The following HERC5 variants were observed in gnomAD, a reference collection of about 807,000 sequenced individuals.
The protein encoded by HERC5 is HECT and RLD domain containing E3 ubiquitin protein ligase 5, also known as E3 ISG15--protein ligase HERC5.
In HERC5, 99 loss-of-function variants were observed where a neutral mutation model predicts 119.6. That is an observed-to-expected ratio of 0.83 (90% CI 0.70 to 0.98). The LOEUF (loss-of-function observed/expected upper bound fraction) is 0.98, where lower values mean the gene tolerates loss of function less well. Among genes scored for constraint, HERC5 ranks in the 50% least tolerant of loss-of-function variants. The probability of loss-of-function intolerance (pLI) is 0.00; values close to 1 mark genes in which losing one functional copy is unlikely to be tolerated. For synonymous variants in HERC5, 478 were observed against 445.9 expected, an observed-to-expected ratio of 1.07 and a Z score of -0.91; for missense variants, 1,267 against 1,241.3, an observed-to-expected ratio of 1.02 and a Z score of -0.31.
chr4:88,477,376 T>G (rs1361805382), intron 12 of HERC5, among the ~76,000 whole-genome samples: 26 of 14,636 alleles, frequency 1.8e-3, no homozygotes, highest in Admixed American at 2.1e-3. Context: ...AAAGGGAAGG[T>G]GAAGGGAAGG....
intron 6 of HERC5, 66 bp downstream of exon 6, chr4:88,464,051 A>G: frequency 1.4e-6 from 2 of 1,408,386 alleles, no homozygotes; most frequent in South Asian, 2.9e-5. Flanking sequence ...TAATTTAATA[A>G]AATTTCTTTC....
intron 4 of HERC5, among the ~76,000 whole-genome samples, chr4:88,462,671 G>T (rs937271493): frequency 1.3e-5 from 2 of 152,130 alleles, no homozygotes; most frequent in Non-Finnish European, 2.9e-5. Context: ...CTTTTCTCTA[G>T]ACCTCATTTT....
Position 88,475,981 on chromosome 4 carries a change from A to G in HERC5, c.1533A>G (p.Pro511=), listed in dbSNP as rs139423505. The stretch of plus-strand genomic sequence containing the variant: ...ACAACTGGGAGAGCCTTGTGGTTCC[A>G]TTTGCAAAGGTTGTTTGTAAAATGA... ...ISNNWESLVV[P]FAKVVCKMSD... Residue 511 remains proline, a synonymous_variant, in exon 12 of 23, where the codon CCA becomes CCG. Coordinates refer to ENST00000264350, the MANE Select transcript of HERC5 (RefSeq NM_016323.4). 2 of 1,613,992 alleles carry G rather than the reference A, an allele frequency of 1.2e-6. No homozygotes were observed. Among genetic ancestry groups the G allele is most frequent in the South Asian group, 1.1e-5 (1 of 91,052 alleles).
intron 17 of HERC5, among the ~76,000 whole-genome samples, chr4:88,493,764 C>T (rs1158649010): frequency 6.6e-6 from 1 of 151,816 alleles, no homozygotes; most frequent in Non-Finnish European, 1.5e-5. Flanking sequence ...CAGGCTCCTG[C>T]CAACACACCT....
chr4:88,459,171 G>A (rs1260955230), intron 1 of HERC5, among the ~76,000 whole-genome samples, 176 bp from the exon 2 acceptor site: 1 of 152,032 alleles, frequency 6.6e-6, no homozygotes, highest in Non-Finnish European at 1.5e-5. Context: ...TGTCAAGACC[G>A]TTGTCTTTCC....
At chr4:88,488,706 C>T (rs1354376407) in intron 15 of HERC5, among the ~76,000 whole-genome samples, 1 of 151,720 alleles carries the variant, frequency 6.6e-6, no homozygotes, top group Non-Finnish European at 1.5e-5. Context: ...GGAGTAGGCT[C>T]TTTGGTGACA....
intron 13 of HERC5, among the ~76,000 whole-genome samples, chr4:88,484,895 A>T (rs930737681): frequency 6.6e-6 from 1 of 152,202 alleles, no homozygotes; most frequent in Non-Finnish European, 1.5e-5. Context: ...AAAAATCAGT[A>T]ATGCCTTTAA....
chr4:88,499,161 AC>A (rs1210002387), intron 18 of HERC5, among the ~76,000 whole-genome samples: 2 of 152,022 alleles, frequency 1.3e-5, no homozygotes, highest in African/African-American at 4.8e-5. Context: ...CACATACCTC[AC>A]TGTATTGTAG....
chr4:88,462,025 A>G, intron 3 of HERC5, 110 bp from the exon 4 acceptor site: 1 of 899,640 alleles, frequency 1.1e-6, no homozygotes, highest in Non-Finnish European at 1.7e-6. Context: ...CCATCAGTGC[A>G]AAGGTACAAT....
At chr4:88,457,609 CG>C (rs150387057) in intron 1 of HERC5, 75 bp downstream of exon 1, 7 of 1,213,182 alleles carry the variant, frequency 5.8e-6, no homozygotes, top group Non-Finnish European at 7.2e-6. Flanking sequence ...GGCGGGCAGC[CG>C]GGGGTCCGCG....
At chr4:88,488,737 T>G (rs113583484) in intron 15 of HERC5, among the ~76,000 whole-genome samples, 1 of 152,146 alleles carries the variant, frequency 6.6e-6, no homozygotes, top group Non-Finnish European at 1.5e-5. Context: ...CCTGGATTTT[T>G]TTTCCTGCAG....
intron 1 of HERC5, among the ~76,000 whole-genome samples, chr4:88,458,794 T>G (rs1740291683): frequency 6.6e-6 from 1 of 152,194 alleles, no homozygotes; most frequent in African/African-American, 2.4e-5. Flanking sequence ...AAGGGCCAAA[T>G]GTGCACTAAT....
Position 88,489,157 on chromosome 4 carries a change from T to A in HERC5, c.1963-9T>A. The A allele has an allele frequency of 6.3e-7, 1 of 1,594,316 alleles. No homozygotes were observed. The stretch of plus-strand genomic sequence containing the variant: ...ATGAAGTGTAATATTTCTGTTTCTG[T>A]TTTCCTAGAGTAAAAAACATAAAGC... On this transcript the variant is annotated splice_polypyrimidine_tract_variant and intron_variant, in intron 15 of 22. Transcript: ENST00000264350.
chr4:88,505,754 AT>A lies in HERC5; in HGVS notation c.2952del (p.Asn984LysfsTer6). The A allele has an allele frequency of 6.2e-7, 1 of 1,607,922 alleles. No homozygotes were observed. Among genetic ancestry groups the A allele is most frequent in the Non-Finnish European group, 8.5e-7 (1 of 1,174,424 alleles). On this transcript the variant is annotated frameshift_variant, in exon 23 of 23. Coordinates refer to ENST00000264350, the MANE Select transcript of HERC5 (RefSeq NM_016323.4). LOFTEE classifies it low-confidence loss of function (END_TRUNC). ...KITFCCPESW[N>X]ERDPIRALTC... ...ACATTTTGCTGTCCTGAAAGTTGGAATGAAAGAGACCCTATAAGAGCACTGA... is the reference window on the plus strand; with the variant it reads ...ACATTTTGCTGTCCTGAAAGTTGGAAGAAAGAGACCCTATAAGAGCACTGA...
intron 12 of HERC5, among the ~76,000 whole-genome samples, chr4:88,476,829 G>A (rs1363078109): frequency 6.6e-6 from 1 of 151,840 alleles, no homozygotes; most frequent in Non-Finnish European, 1.5e-5. Flanking sequence ...GCTGAGGCAG[G>A]AGAATCGCTT....
intron 4 of HERC5, 138 bp from the exon 5 acceptor site, chr4:88,463,394 C>T: frequency 1.7e-6 from 1 of 597,912 alleles, no homozygotes; most frequent in Non-Finnish European, 3.0e-6. Context: ...TGATCCTAAA[C>T]ATGGCAACAT....
At position 88,479,386 on chromosome 4, in the gene HERC5, T is replaced by A. The variant is rs1741198185; in HGVS notation, c.1616T>A (p.Phe539Tyr). Residue 539 changes from phenylalanine to tyrosine, a missense_variant, in exon 13 of 23, where the codon TTC becomes TAC. Phe to Tyr is a conservative substitution (Grantham distance 22). Transcript: ENST00000264350. ...EYWATLQESTFSKLVQMFKTA... is the reference protein window; with the variant it reads ...EYWATLQESTYSKLVQMFKTA... ...TGGGCAACTCTGCAAGAATCCACTT[T>A]CAGCAAACTGGTCCAGATGTTTAAA... 1.2e-6 allele frequency: 2 copies of A among 1,609,678 alleles called. No homozygotes were observed. The highest frequency in any genetic ancestry group is 1.7e-6 in the Non-Finnish European group (2 of 1,178,880).
rs78393149 is a variant in HERC5 at position 88,469,243 on chromosome 4, G to A, written c.1221G>A (p.Arg407=). 1,502 of 1,611,754 alleles carry A rather than the reference G, an allele frequency of 9.3e-4. 18 individuals carry two copies. In the African/African-American group the frequency reaches 0.018, roughly 20 times the overall value. ...KRWIADVETK[R]WQSTKREIQE... is the part of the protein sequence containing the mutation. ...GGATTGCTGATGTGGAGACTAAACG[G>A]TGGCAGAGCACAAAAAGGTACACCC... Residue 407 remains arginine, a synonymous_variant, in exon 9 of 23, where the codon CGG becomes CGA. Coordinates refer to ENST00000264350, the MANE Select transcript of HERC5 (RefSeq NM_016323.4).
chr4:88,475,586 G>T (rs1741034839), intron 11 of HERC5, among the ~76,000 whole-genome samples: 1 of 151,984 alleles, frequency 6.6e-6, no homozygotes. Flanking sequence ...CAAAGTACTG[G>T]TTAGGTGTGC....
Sources: gnomAD v4.1 joint callset for allele counts (sites outside exome capture counted in the v4.1 genomes callset) on GRCh38, gnomAD v4.1.1 for gene constraint, MANE v1.5 for transcripts, NCBI Gene and HGNC (gene_info 2026-07-23, HGNC 2026-07-21) for gene names.